The following ZNF816 variants were observed in gnomAD, a reference collection of about 807,000 sequenced individuals.
ZNF816 encodes the protein zinc finger protein 816A.
Under a neutral mutation model 8.3 loss-of-function variants are expected in ZNF816, and 11 were observed. That is an observed-to-expected ratio of 1.32 (90% CI 0.83 to 2.19). The LOEUF (loss-of-function observed/expected upper bound fraction) is 2.19, where lower values mean the gene tolerates loss of function less well. Among genes scored for constraint, ZNF816 ranks in the 30% most tolerant of loss-of-function variants. The probability of loss-of-function intolerance (pLI) is 0.00; values close to 1 mark genes in which losing one functional copy is unlikely to be tolerated. For missense variants in ZNF816, 710 were observed against 779.3 expected (o/e 0.91, Z 1.06); for synonymous variants, 255 against 254.5 (o/e 1.00, Z -0.02).
intron 1 of ZNF816, 124 bp from the exon 2 acceptor site, chr19:52,956,228 A>G (rs1358739480): frequency 3.7e-6 from 4 of 1,087,372 alleles, no homozygotes; most frequent in South Asian, 3.2e-5. Flanking sequence ...CCACTGCACC[A>G]GAGACCATGC....
In ZNF816 at chr19:52,949,398, T is replaced by A; in HGVS notation, c.*421A>T. 3.3e-6 allele frequency: 1 copy of A among 299,944 alleles called. No individual in the cohort carries two copies. The highest frequency in any genetic ancestry group is 3.5e-5 in the South Asian group (1 of 28,756). 18.6% of individuals were successfully genotyped at this position (299,944 alleles called of 1,614,324 possible). A position where few individuals can be genotyped will look rare whatever the true frequency, so the allele number is the denominator to read the frequency against. ...TGTCAATTAAAGTTTTATGATTTTTTATATTCATTTTATTTGGAACAATTA... is the reference window on the plus strand; with the variant it reads ...TGTCAATTAAAGTTTTATGATTTTTAATATTCATTTTATTTGGAACAATTA... On this transcript the variant is annotated 3_prime_UTR_variant, in exon 4 of 4. Coordinates refer to ENST00000444460, the MANE Select transcript of ZNF816 (RefSeq NM_001202457.3).
At chr19:52,956,297 C>G in intron 1 of ZNF816, 193 bp from the exon 2 acceptor site, 1 of 562,538 alleles carries the variant, frequency 1.8e-6, no homozygotes, top group Non-Finnish European at 3.0e-6. Context: ...GTTTTCAGAT[C>G]TTGCTCCCCT....
intron 3 of ZNF816, 114 bp from the exon 4 acceptor site, chr19:52,951,698 A>C: frequency 9.6e-7 from 1 of 1,036,770 alleles, no homozygotes; most frequent in African/African-American, 1.6e-5. Context: ...AACTTCCCAA[A>C]TGTGATCTTC....
chr19:52,955,430 G>A (rs2083501411), intron 2 of ZNF816, among the ~76,000 whole-genome samples: 1 of 152,192 alleles, frequency 6.6e-6, no homozygotes, highest in African/African-American at 2.4e-5. Flanking sequence ...GCTCAGGTGG[G>A]AGGGCCACTT....
chr19:52,961,219 A>G (rs2083553968), intron 1 of ZNF816, among the ~76,000 whole-genome samples: 1 of 152,204 alleles, frequency 6.6e-6, no homozygotes, highest in Non-Finnish European at 1.5e-5. Flanking sequence ...ACCGTTTTTC[A>G]AATAAGATTA....
At position 52,953,419 on chromosome 19, in the gene ZNF816, T is replaced by C. The variant is rs2083477204; in HGVS notation, c.64-542A>G. On this transcript the variant is annotated intron_variant, in intron 2 of 3. Coordinates refer to ENST00000444460, the MANE Select transcript of ZNF816 (RefSeq NM_001202457.3). ...AAAAAAAAAAGAAAAAAAATATATA[T>C]ATACACACATACACATATGTTTTAT... The C allele has an allele frequency of 1.9e-5, 3 of 157,816 alleles. No individual in the cohort carries two copies. In the South Asian group the frequency reaches 3.2e-4, roughly 17 times the overall value. 9.8% of individuals were successfully genotyped at this position (157,816 alleles called of 1,614,324 possible). A position where few individuals can be genotyped will look rare whatever the true frequency, so the allele number is the denominator to read the frequency against.
chr19:52,953,392 CAA>C (rs572790920), intron 2 of ZNF816: 16 of 131,240 alleles, frequency 1.2e-4, no homozygotes, highest in South Asian at 7.5e-4. Context: ...GACTCCATCT[CAA>C]AAAAAAAAAG....
At chr19:52,952,037 A>ATG in intron 3 of ZNF816, 1 of 395,880 alleles carries the variant, frequency 2.5e-6, no homozygotes, top group Admixed American at 4.3e-5. Context: ...GAACACTGTC[A>ATG]CAGTGCTAGT....
chr19:52,950,742 C>G lies in ZNF816; in HGVS notation c.1033G>C (p.Glu345Gln). 1 of 1,614,074 alleles carries G rather than the reference C, an allele frequency of 6.2e-7. No homozygotes were observed. The highest frequency in any genetic ancestry group is 2.2e-5 in the East Asian group (1 of 44,858). ...HTGEKPYKCNECGKTFGRNSA... is the reference protein window; with the variant it reads ...HTGEKPYKCNQCGKTFGRNSA... ...TTTCGACCAAAAGTCTTGCCACACT[C>G]ATTACACTTGTAAGGTTTCTCTCCA... The change falls in exon 4 of 4, where the codon GAG becomes CAG. Residue 345 changes from glutamate to glutamine, a missense_variant. Glu to Gln is a conservative substitution (Grantham distance 29). Coordinates refer to ENST00000444460, the MANE Select transcript of ZNF816 (RefSeq NM_001202457.3).
intron 1 of ZNF816, among the ~76,000 whole-genome samples, chr19:52,961,711 G>T (rs2083558625): frequency 6.6e-6 from 1 of 152,190 alleles, no homozygotes; most frequent in African/African-American, 2.4e-5. Context: ...TTTATAATGA[G>T]CTAAATCTGC....
chr19:52,951,764 G>T (rs866761726), intron 3 of ZNF816, 180 bp from the exon 4 acceptor site: 1 of 609,848 alleles, frequency 1.6e-6, no homozygotes, highest in Non-Finnish European at 2.6e-6. Flanking sequence ...CAGTCATGGT[G>T]GTGGGTGCCT....
intron 2 of ZNF816, 95 bp downstream of exon 2, chr19:52,955,932 T>C (rs1453557413): frequency 8.1e-6 from 12 of 1,478,506 alleles, no homozygotes; most frequent in African/African-American, 1.4e-5. Flanking sequence ...ACGTGTGATG[T>C]AGAATGCTTC....
rs377290497 is a variant in ZNF816 at position 52,950,408 on chromosome 19, T to C, written c.1367A>G (p.Asn456Ser). 62 of 1,613,750 alleles carry C rather than the reference T, an allele frequency of 3.8e-5. No homozygotes were observed. Among genetic ancestry groups the C allele is most frequent in the Non-Finnish European group, 4.9e-5 (58 of 1,179,972 alleles). ...VHTGEKPYKC[N>S]KCGRSFSRKS... The stretch of plus-strand genomic sequence containing the variant: ...CCGACTGAAACTCCTGCCACATTTA[T>C]TACACTTGTATGGTTTCTCTCCAGT... Residue 456 changes from asparagine (N) to serine (S), a missense_variant, in exon 4 of 4, where the codon AAT (asparagine) becomes AGT (serine). Transcript: ENST00000444460.
At chr19:52,962,462 G>T (rs1186045846) in intron 1 of ZNF816, among the ~76,000 whole-genome samples, 1 of 152,098 alleles carries the variant, frequency 6.6e-6, no homozygotes, top group Non-Finnish European at 1.5e-5. Flanking sequence ...ACAAAGCACC[G>T]GCCACCCTGG....
intron 2 of ZNF816, among the ~76,000 whole-genome samples, chr19:52,954,098 C>T (rs1045230101): frequency 6.7e-6 from 1 of 149,954 alleles, no homozygotes; most frequent in African/African-American, 2.5e-5. Context: ...CTACATAAAC[C>T]GTGGGATTGG....
In ZNF816 at chr19:52,960,935, G is replaced by A. The variant is rs577483086; in HGVS notation, c.-16+1792C>T. ...GTCCTACGCACAGTGGAAGCATGAG[G>A]AAGCTCATCGTGGGACTCATTCTTC... On this transcript the variant is annotated intron_variant, in intron 1 of 3. Transcript: ENST00000444460. 3.9e-5 allele frequency among the ~76,000 whole-genome samples: 6 copies of A among 152,362 alleles called. 1 individual carries two copies. In the South Asian group the frequency reaches 8.3e-4, roughly 21 times the overall value.
intron 1 of ZNF816, among the ~76,000 whole-genome samples, chr19:52,956,957 T>C (rs543477058): frequency 2.0e-5 from 3 of 152,316 alleles, no homozygotes; most frequent in South Asian, 4.1e-4. Flanking sequence ...TGAAGAAGCA[T>C]TGCAAAAGTT....
chr19:52,953,711 G>A, intron 2 of ZNF816, among the ~76,000 whole-genome samples: 1 of 135,244 alleles, frequency 7.4e-6, no homozygotes, highest in Non-Finnish European at 1.5e-5. Flanking sequence ...ATTAAATAAA[G>A]ATATTAAATA....
In ZNF816 at chr19:52,950,752, G is replaced by T. The variant is rs763816318; in HGVS notation, c.1023C>A (p.Tyr341Ter). The T allele has an allele frequency of 2.5e-6, 4 of 1,613,682 alleles. No homozygotes were observed. The highest frequency in any genetic ancestry group is 3.4e-6 in the Non-Finnish European group (4 of 1,180,030). ...AAGTCTTGCCACACTCATTACACTT[G>T]TAAGGTTTCTCTCCAGTATGAAGTC... Reference protein sequence around the residue: ...HRRLHTGEKPYKCNECGKTFG... With the variant: ...HRRLHTGEKP The change falls in exon 4 of 4, where the codon TAC (tyrosine) becomes TAA (stop). Residue 341 changes from tyrosine to a stop codon, truncating the protein, a stop_gained. Transcript: ENST00000444460. LOFTEE classifies it low-confidence loss of function (END_TRUNC).
Sources: gnomAD v4.1 joint callset for allele counts (sites outside exome capture counted in the v4.1 genomes callset) on GRCh38, gnomAD v4.1.1 for gene constraint, MANE v1.5 for transcripts, NCBI Gene and HGNC (gene_info 2026-07-23, HGNC 2026-07-21) for gene names.